Variants in CDH10 observed in about 807,000 individuals in gnomAD.
CDH10 encodes cadherin-10.
Under a neutral mutation model 73.1 loss-of-function variants are expected in CDH10, and 30 were observed. That is an observed-to-expected ratio of 0.41 (90% CI 0.31 to 0.56). The LOEUF is 0.56. CDH10 is among the 20% of genes least tolerant of loss of function. The pLI, the probability that CDH10 is intolerant of heterozygous loss-of-function variation, is 0.27. For synonymous variants in CDH10, 345 were observed against 348.2 expected, an observed-to-expected ratio of 0.99 and a Z score of 0.10; for missense variants, 815 against 973.7, an observed-to-expected ratio of 0.84 and a Z score of 2.17.
intron 1 of CDH10, among the ~76,000 whole-genome samples, chr5:24,644,236 G>A (rs925975511): frequency 6.6e-6 from 1 of 152,088 alleles, no homozygotes; most frequent in African/African-American, 2.4e-5. Context: ...CTCTTGAACT[G>A]ATTTTTAAAA....
At chr5:24,559,060 T>C (rs1170154833) in intron 2 of CDH10, among the ~76,000 whole-genome samples, 1 of 151,864 alleles carries the variant, frequency 6.6e-6, no homozygotes, top group African/African-American at 2.4e-5. Context: ...TTTTAACTTG[T>C]TTTTCTAGTA....
intron 2 of CDH10, among the ~76,000 whole-genome samples, chr5:24,540,751 G>A (rs1400322793): frequency 6.6e-6 from 1 of 151,890 alleles, no homozygotes; most frequent in Non-Finnish European, 1.5e-5. Flanking sequence ...TATTTAAAAA[G>A]TCACAGAGGG....
At position 24,615,542 on chromosome 5, in the gene CDH10, G is replaced by A. The variant is rs1055348459; in HGVS notation, c.-123-21929C>T. 5.3e-5 allele frequency among the ~76,000 whole-genome samples: 8 copies of A among 152,246 alleles called. No homozygotes were observed. In the East Asian group the frequency reaches 5.8e-4, roughly 11 times the overall value. On this transcript the variant is annotated intron_variant, in intron 1 of 11. Coordinates refer to ENST00000264463, the MANE Select transcript of CDH10 (RefSeq NM_006727.5). Reference sequence around the variant, plus strand: ...AGTATATTGTAGGTATGGAAAAAACGGAACAAAACAGATAATATGTGAATG... The same window carrying A: ...AGTATATTGTAGGTATGGAAAAAACAGAACAAAACAGATAATATGTGAATG...
chr5:24,546,029 A>G (rs1486222479), intron 2 of CDH10, among the ~76,000 whole-genome samples: 1 of 152,136 alleles, frequency 6.6e-6, no homozygotes, highest in South Asian at 2.1e-4. Flanking sequence ...CTGAAGGAGA[A>G]GGACTAGGCA....
chr5:24,600,948 C>A (rs574740748), intron 1 of CDH10, among the ~76,000 whole-genome samples: 1 of 151,540 alleles, frequency 6.6e-6, no homozygotes, highest in African/African-American at 2.4e-5. Context: ...TGGGTTATGT[C>A]TTTGATGGGC....
intron 8 of CDH10, among the ~76,000 whole-genome samples, chr5:24,502,771 T>A (rs2111711404): frequency 6.6e-6 from 1 of 152,262 alleles, no homozygotes; most frequent in Middle Eastern, 3.4e-3. Context: ...GGATATTGAA[T>A]CAAGCAGAGA....
At chr5:24,524,808 G>A (rs1204681970) in intron 5 of CDH10, among the ~76,000 whole-genome samples, 1 of 152,098 alleles carries the variant, frequency 6.6e-6, no homozygotes, top group Non-Finnish European at 1.5e-5. Context: ...TGAGCAAAAT[G>A]TGGGGCTACA....
chr5:24,585,426 AAAC>A (rs922523654), intron 2 of CDH10, among the ~76,000 whole-genome samples: 12 of 151,988 alleles, frequency 7.9e-5, no homozygotes, highest in East Asian at 1.9e-4. Context: ...TTTCTTTAAA[AAAC>A]AACAACAACA....
chr5:24,599,592 T>A lies in CDH10; in HGVS notation c.-123-5979A>T, dbSNP rs77112676. ...GAACATGCATCAGACTGGCATAAACTGTTCTGCAAAATATGTTTCTGCTGT... is the reference window on the plus strand; with the variant it reads ...GAACATGCATCAGACTGGCATAAACAGTTCTGCAAAATATGTTTCTGCTGT... On this transcript the variant is annotated intron_variant, in intron 1 of 11. Transcript: ENST00000264463. Among the ~76,000 whole-genome samples the A allele has an allele frequency of 9.5e-3, 1,442 of 152,258 alleles. 26 individuals are homozygous for A. Among genetic ancestry groups the A allele is most frequent in the African/African-American group, 0.033 (1,375 of 41,544 alleles).
intron 8 of CDH10, among the ~76,000 whole-genome samples, chr5:24,502,412 G>A (rs1742534383): frequency 6.6e-6 from 1 of 152,154 alleles, no homozygotes. Context: ...GAACGTCATT[G>A]TGTCCTGCTC....
At chr5:24,576,570 G>C (rs1036740529) in intron 2 of CDH10, among the ~76,000 whole-genome samples, 3 of 152,080 alleles carry the variant, frequency 2.0e-5, no homozygotes, top group Non-Finnish European at 2.9e-5. Flanking sequence ...AGTTCCCAAT[G>C]GCCAAAGCTG....
intron 2 of CDH10, among the ~76,000 whole-genome samples, chr5:24,541,687 T>A (rs1235362185): frequency 6.6e-6 from 1 of 152,104 alleles, no homozygotes; most frequent in African/African-American, 2.4e-5. Context: ...TTATTGTGGT[T>A]TTAGTTCCTC....
chr5:24,505,554 A>C (rs1742670444), intron 7 of CDH10, among the ~76,000 whole-genome samples: 1 of 152,246 alleles, frequency 6.6e-6, no homozygotes. Flanking sequence ...TTGGAATTAC[A>C]GACAGCTATA....
chr5:24,549,283 T>C (rs1418508531), intron 2 of CDH10, among the ~76,000 whole-genome samples: 1 of 152,102 alleles, frequency 6.6e-6, no homozygotes, highest in Admixed American at 6.6e-5. Flanking sequence ...GAAGTAGAAG[T>C]TGTATTCCAA....
rs2112110870 is a variant in CDH10, at chr5:24,599,695, C to T, written c.-123-6082G>A. 1.3e-5 allele frequency among the ~76,000 whole-genome samples: 2 copies of T among 152,162 alleles called. 1 individual carries two copies. On this transcript the variant is annotated intron_variant, in intron 1 of 11. Transcript: ENST00000264463. ...AAAGTATAAACATGGAGATATAAGACTGGCCATTAACAATCTACTTAAATG... is the reference window on the plus strand; with the variant it reads ...AAAGTATAAACATGGAGATATAAGATTGGCCATTAACAATCTACTTAAATG...
intron 2 of CDH10, among the ~76,000 whole-genome samples, chr5:24,584,935 C>T (rs544142906): frequency 7.9e-5 from 12 of 151,778 alleles, no homozygotes; most frequent in South Asian, 6.2e-4. Flanking sequence ...CAGCCTCAAA[C>T]TCCGAGGCTC....
chr5:24,524,079 AG>A (rs1743438297), intron 5 of CDH10, among the ~76,000 whole-genome samples: 1 of 152,166 alleles, frequency 6.6e-6, no homozygotes, highest in Non-Finnish European at 1.5e-5. Context: ...TGGCAACATC[AG>A]TAATTAATTC....
chr5:24,560,754 A>G (rs556719443), intron 2 of CDH10, among the ~76,000 whole-genome samples: 7 of 152,198 alleles, frequency 4.6e-5, no homozygotes, highest in Admixed American at 1.3e-4. Flanking sequence ...GTATTTTTAG[A>G]CCAAAGCAAC....
At chr5:24,627,115 GC>G (rs1561203706) in intron 1 of CDH10, among the ~76,000 whole-genome samples, 1 of 151,568 alleles carries the variant, frequency 6.6e-6, no homozygotes. Context: ...TGCTTTATTT[GC>G]CCTACCAGTA....
Sources: gnomAD v4.1 joint callset for allele counts (sites outside exome capture counted in the v4.1 genomes callset) on GRCh38, gnomAD v4.1.1 for gene constraint, MANE v1.5 for transcripts, NCBI Gene and HGNC (gene_info 2026-07-23, HGNC 2026-07-21) for gene names.